The following TSPAN19 variants were observed in gnomAD, a reference collection of about 807,000 sequenced individuals.
The protein encoded by TSPAN19 is tetraspanin 19, also known as tetraspanin-19.
A neutral mutation model predicts 35.1 loss-of-function variants in TSPAN19; 44 were observed. The ratio of observed to expected loss-of-function variants is 1.25; its 90% CI spans 0.98 to 1.61. TSPAN19 has a LOEUF of 1.61. Among genes scored for constraint, TSPAN19 ranks in the 40% most tolerant of loss-of-function variants. The pLI, the probability that TSPAN19 is intolerant of heterozygous loss-of-function variation, is 0.00. For synonymous variants in TSPAN19, 79 were observed against 92.0 expected (o/e 0.86, Z 0.81); for missense variants, 290 against 280.0 (o/e 1.04, Z -0.26).
At chr12:85,027,434 C>T (rs894546326) in intron 4 of TSPAN19, among the ~76,000 whole-genome samples, 1 of 152,058 alleles carries the variant, frequency 6.6e-6, no homozygotes, top group African/African-American at 2.4e-5. Context: ...CCTGAATATA[C>T]AATAGAAGTT....
At chr12:85,028,649 T>C (rs1269904090) in intron 3 of TSPAN19, among the ~76,000 whole-genome samples, 2 of 152,040 alleles carry the variant, frequency 1.3e-5, no homozygotes, top group African/African-American at 2.4e-5. Flanking sequence ...GGGAGAACAG[T>C]GTAGGCAGTA....
In TSPAN19 at chr12:85,017,555, A is replaced by T. The variant is rs1452008431; in HGVS notation, c.495T>A (p.Asn165Lys). The T allele has an allele frequency of 6.3e-7, 1 of 1,594,786 alleles. No homozygotes were observed. Among genetic ancestry groups the T allele is most frequent in the South Asian group, 1.1e-5 (1 of 88,420 alleles). Residue 165 changes from asparagine (N) to lysine (K), a missense_variant, in exon 7 of 9, where the codon AAT becomes AAA. Transcript: ENST00000532498. ...CCTGTCCTGAATTTTCTTTGTTCTT[A>T]TTCTTTATCCAGTCTGTGTAATTAT... ...GQHNYTDWIK[N>K]KNKENSGQVP...
chr12:85,014,702 C>CA, intron 8 of TSPAN19, 147 bp from the exon 9 acceptor site: 1 of 558,122 alleles, frequency 1.8e-6, no homozygotes, highest in Non-Finnish European at 3.1e-6. Flanking sequence ...AAGGTACATA[C>CA]AGTTGTGAAT....
At chr12:85,031,786 A>G (rs1877697534) in intron 1 of TSPAN19, among the ~76,000 whole-genome samples, 1 of 152,048 alleles carries the variant, frequency 6.6e-6, no homozygotes, top group Admixed American at 6.6e-5. Flanking sequence ...GTGAGGTTGA[A>G]GTTGTACACT....
chr12:85,025,139 CTT>C (rs920823293), intron 4 of TSPAN19, among the ~76,000 whole-genome samples: 13 of 142,636 alleles, frequency 9.1e-5, no homozygotes, highest in Non-Finnish European at 7.7e-5. Context: ...TATATGAAAC[CTT>C]TTTTTTTTTT....
At chr12:85,030,739 T>C (rs1434799867) in intron 1 of TSPAN19, among the ~76,000 whole-genome samples, 1 of 152,118 alleles carries the variant, frequency 6.6e-6, no homozygotes, top group East Asian at 1.9e-4. Flanking sequence ...ATTTTCCAGG[T>C]AGTCAATTTT....
At chr12:85,015,839 A>G (rs1429555716) in intron 8 of TSPAN19, 49 bp downstream of exon 8, 4 of 1,361,594 alleles carry the variant, frequency 2.9e-6, no homozygotes. Flanking sequence ...TCTATTCTGT[A>G]TAGCTTATAC....
chr12:85,025,685 C>G (rs570537931), intron 4 of TSPAN19, among the ~76,000 whole-genome samples: 6 of 151,894 alleles, frequency 4.0e-5, no homozygotes, highest in Non-Finnish European at 8.8e-5. Flanking sequence ...GCCATCATGC[C>G]CGGCTAATTT....
intron 1 of TSPAN19, among the ~76,000 whole-genome samples, chr12:85,033,898 T>C (rs1020036258): frequency 1.3e-5 from 2 of 152,202 alleles, no homozygotes; most frequent in Admixed American, 1.3e-4. Context: ...GGCTAGATGT[T>C]AGTTATCTCG....
At chr12:85,015,650 A>T in intron 8 of TSPAN19, 1 of 318,600 alleles carries the variant, frequency 3.1e-6, no homozygotes. Context: ...ATAAAAATAT[A>T]CATAGGTACT....
chr12:85,028,512 C>A (rs1006789265), intron 3 of TSPAN19, among the ~76,000 whole-genome samples: 2 of 152,118 alleles, frequency 1.3e-5, no homozygotes, highest in East Asian at 3.8e-4. Flanking sequence ...ATATATTTAT[C>A]CAGTCAACAG....
chr12:85,019,733 G>A lies in TSPAN19; in HGVS notation c.343C>T (p.Gln115Ter). 1 of 1,567,678 alleles carries A rather than the reference G, an allele frequency of 6.4e-7. No homozygotes were observed. The highest frequency in any genetic ancestry group is 8.7e-7 in the Non-Finnish European group (1 of 1,153,508). The part of the protein sequence containing the change: ...AFIITKKEEV[Q>*]QLWHDKIDFV... Reference sequence around the variant, plus strand: ...TCAATTTTGTCATGCCATAGTTGCTGAACCTGTAGAAAATTGTATTAAAAA... The same window carrying A: ...TCAATTTTGTCATGCCATAGTTGCTAAACCTGTAGAAAATTGTATTAAAAA... The change falls in exon 6 of 9, where the codon CAG becomes TAG. Residue 115 changes from glutamine (Q) to a stop codon, truncating the protein, a stop_gained. Coordinates refer to ENST00000532498, the MANE Select transcript of TSPAN19 (RefSeq NM_001100917.2). LOFTEE classifies it high-confidence loss of function.
intron 7 of TSPAN19, 30 bp from the exon 8 acceptor site, chr12:85,016,001 T>C (rs1305272474): frequency 3.8e-6 from 5 of 1,317,226 alleles, no homozygotes; most frequent in Non-Finnish European, 5.2e-6. Context: ...CAGATGGACA[T>C]GGAGATGGAA....
intron 1 of TSPAN19, among the ~76,000 whole-genome samples, chr12:85,031,638 T>C (rs1877687873): frequency 6.6e-6 from 1 of 152,174 alleles, no homozygotes; most frequent in African/African-American, 2.4e-5. Context: ...GGTTCACTTC[T>C]AGAAAATCAT....
chr12:85,023,175 T>C lies in TSPAN19; in HGVS notation c.339+151A>G, dbSNP rs568971846. Reference sequence around the variant, plus strand: ...CAATGTGACTCCTGGCCCCTTCCTATACTCTAGTACTTTTGTTAAATATTA... The same window carrying C: ...CAATGTGACTCCTGGCCCCTTCCTACACTCTAGTACTTTTGTTAAATATTA... On this transcript the variant is annotated intron_variant, in intron 5 of 8. Transcript: ENST00000532498. 264 of 645,176 alleles carry C rather than the reference T, an allele frequency of 4.1e-4. 1 individual carries two copies. The African/African-American group carries it at 4.5e-3, about 11-fold the overall frequency. 40.0% of individuals were successfully genotyped at this position (645,176 alleles called of 1,614,324 possible). A position where few individuals can be genotyped will look rare whatever the true frequency, so the allele number is the denominator to read the frequency against.
intron 1 of TSPAN19, among the ~76,000 whole-genome samples, chr12:85,030,215 G>T (rs1378817574): frequency 6.6e-6 from 1 of 151,994 alleles, no homozygotes; most frequent in Non-Finnish European, 1.5e-5. Context: ...CTTTGACTAG[G>T]CAATCAAGAG....
intron 5 of TSPAN19, among the ~76,000 whole-genome samples, chr12:85,021,358 G>A (rs1877113011): frequency 6.6e-6 from 1 of 151,962 alleles, no homozygotes; most frequent in Non-Finnish European, 1.5e-5. Context: ...ATCTTACTTA[G>A]TTACTTATAT....
chr12:85,035,809 A>T (rs1229469005), intron 1 of TSPAN19, among the ~76,000 whole-genome samples: 2 of 152,202 alleles, frequency 1.3e-5, no homozygotes, highest in African/African-American at 4.8e-5. Flanking sequence ...ATACTGTGTG[A>T]CAATATTTTT....
At chr12:85,025,205 A>G (rs1382863554) in intron 4 of TSPAN19, among the ~76,000 whole-genome samples, 5 of 148,968 alleles carry the variant, frequency 3.4e-5, no homozygotes, top group Admixed American at 1.4e-4. Flanking sequence ...GCACCATCTC[A>G]GCTCTCTGCA....
Sources: gnomAD v4.1 joint callset for allele counts (sites outside exome capture counted in the v4.1 genomes callset) on GRCh38, gnomAD v4.1.1 for gene constraint, MANE v1.5 for transcripts, NCBI Gene and HGNC (gene_info 2026-07-23, HGNC 2026-07-21) for gene names.